The following COLEC12 variants were observed in gnomAD, a reference collection of about 807,000 sequenced individuals.
The protein encoded by COLEC12 is collectin subfamily member 12, also known as collectin-12.
Under a neutral mutation model 71.1 loss-of-function variants are expected in COLEC12, and 33 were observed. That is an observed-to-expected ratio of 0.46 (90% CI 0.35 to 0.62). The LOEUF (loss-of-function observed/expected upper bound fraction) is 0.62, where lower values mean the gene tolerates loss of function less well. Among genes scored for constraint, COLEC12 ranks in the 20% least tolerant of loss-of-function variants. The pLI, the probability that COLEC12 is intolerant of heterozygous loss-of-function variation, is 0.00. For synonymous variants in COLEC12, 350 were observed against 353.0 expected (o/e 0.99, Z 0.10); for missense variants, 765 against 916.1 (o/e 0.84, Z 2.13).
intron 2 of COLEC12, among the ~76,000 whole-genome samples, chr18:455,936 TC>T (rs1447881354): frequency 1.3e-5 from 2 of 152,180 alleles, no homozygotes; most frequent in Non-Finnish European, 2.9e-5. Context: ...TGTAAATAGT[TC>T]TTTGCTATTG....
intron 1 of COLEC12, among the ~76,000 whole-genome samples, chr18:495,296 T>C (rs991479553): frequency 1.3e-5 from 2 of 152,226 alleles, no homozygotes; most frequent in African/African-American, 4.8e-5. Context: ...CTATGAAAAA[T>C]GTCTATACTT....
intron 8 of COLEC12, among the ~76,000 whole-genome samples, chr18:324,765 G>A (rs1043931579): frequency 2.6e-5 from 4 of 152,140 alleles, no homozygotes; most frequent in African/African-American, 9.7e-5. Context: ...GGAGGTGAAG[G>A]TTGTAGTGAC....
chr18:385,316 A>ATTTTTT (rs139537913), intron 2 of COLEC12, among the ~76,000 whole-genome samples: 1 of 119,242 alleles, frequency 8.4e-6, no homozygotes, highest in Non-Finnish European at 1.7e-5. Flanking sequence ...TTAAAATGGG[A>ATTTTTT]TTTTTTTTTT....
At chr18:374,355 T>C (rs1045666517) in intron 2 of COLEC12, among the ~76,000 whole-genome samples, 3 of 152,352 alleles carry the variant, frequency 2.0e-5, no homozygotes, top group East Asian at 3.9e-4. Context: ...ACATACATTT[T>C]TTCACGTTTG....
chr18:448,128 CCTGT>C (rs1165067637), intron 2 of COLEC12, among the ~76,000 whole-genome samples: 2 of 152,214 alleles, frequency 1.3e-5, no homozygotes, highest in Non-Finnish European at 2.9e-5. Context: ...TTCTCTAAAG[CCTGT>C]CTGTATCAGT....
At chr18:468,543 C>G (rs930539801) in intron 2 of COLEC12, among the ~76,000 whole-genome samples, 1 of 152,232 alleles carries the variant, frequency 6.6e-6, no homozygotes, top group South Asian at 2.1e-4. Flanking sequence ...CACACACACA[C>G]ACAGAGTGTA....
intron 5 of COLEC12, among the ~76,000 whole-genome samples, chr18:335,824 A>G (rs1467468969): frequency 1.3e-5 from 2 of 152,194 alleles, no homozygotes; most frequent in Non-Finnish European, 2.9e-5. Flanking sequence ...AGCTTTTAGA[A>G]TGTATTGTAA....
chr18:496,472 G>A (rs1036953694), intron 1 of COLEC12, among the ~76,000 whole-genome samples: 7 of 152,208 alleles, frequency 4.6e-5, no homozygotes, highest in Admixed American at 1.3e-4. Context: ...AAGGGAAAAA[G>A]GCCTCATTTT....
rs371707287 is a variant in COLEC12 at position 340,903 on chromosome 18, A to G, written c.1327+5392T>C. ...CTTGGAAGCACCTTGTCCACAGAGG[A>G]GGGTGTATTTAACCACTGTTTCTTG... On this transcript the variant is annotated intron_variant, in intron 5 of 9. Transcript: ENST00000400256. Among the ~76,000 whole-genome samples, 6 of 152,344 alleles carry G rather than the reference A, an allele frequency of 3.9e-5. No individual in the cohort carries two copies. The East Asian group carries it at 1.2e-3, about 29-fold the overall frequency.
At position 461,684 on chromosome 18, in the gene COLEC12, G is replaced by A. The variant is rs1218125640; in HGVS notation, c.58+19023C>T. Among the ~76,000 whole-genome samples, 16 of 98,994 alleles carry A rather than the reference G, an allele frequency of 1.6e-4. No homozygotes were observed. In the South Asian group the frequency reaches 3.4e-3, roughly 21 times the overall value. 64.9% of individuals were successfully genotyped at this position (98,994 alleles called of 152,430 possible). On this transcript the variant is annotated intron_variant, in intron 2 of 9. Coordinates refer to ENST00000400256, the MANE Select transcript of COLEC12 (RefSeq NM_130386.3). ...ATTACAGATGTGAGACACTGTACCC[G>A]GCTAAGAGATTTTTTTTTTCTTTCA... is the stretch of plus-strand genomic sequence containing the variant.
chr18:366,644 C>A (rs1263355313), intron 2 of COLEC12, among the ~76,000 whole-genome samples: 1 of 152,188 alleles, frequency 6.6e-6, no homozygotes, highest in African/African-American at 2.4e-5. Context: ...CTCGGCACAT[C>A]CTGCGGCTTA....
At chr18:423,583 TAAGA>T (rs1435211516) in intron 2 of COLEC12, among the ~76,000 whole-genome samples, 4 of 152,148 alleles carry the variant, frequency 2.6e-5, no homozygotes, top group Non-Finnish European at 5.9e-5. Flanking sequence ...AGAAAAATCT[TAAGA>T]AATTACTCTT....
rs570361826 is a variant in COLEC12 at position 338,617 on chromosome 18, A to G, written c.1328-3387T>C. On this transcript the variant is annotated intron_variant, in intron 5 of 9. Transcript: ENST00000400256. ...CTCACCTAAATAGCCTATGCCATTT[A>G]GTAAAGATCGGGAAGGTAGACTTTT... Among the ~76,000 whole-genome samples the G allele has an allele frequency of 1.8e-3, 279 of 152,318 alleles. 1 individual carries two copies. The highest frequency in any genetic ancestry group is 6.4e-3 in the African/African-American group (268 of 41,570).
chr18:401,695 G>A (rs1172090253), intron 2 of COLEC12, among the ~76,000 whole-genome samples: 1 of 152,176 alleles, frequency 6.6e-6, no homozygotes, highest in African/African-American at 2.4e-5. Context: ...ATCATCCCTT[G>A]GAGATACTTT....
intron 2 of COLEC12, among the ~76,000 whole-genome samples, chr18:456,063 C>T (rs186516552): frequency 3.0e-4 from 46 of 152,268 alleles, no homozygotes; most frequent in Admixed American, 2.2e-3. Context: ...GGACAAAGCA[C>T]GTGGTGGGAG....
intron 2 of COLEC12, among the ~76,000 whole-genome samples, chr18:468,590 C>T (rs768780118): frequency 6.6e-6 from 1 of 152,106 alleles, no homozygotes; most frequent in Admixed American, 6.5e-5. Flanking sequence ...AAATGAAATG[C>T]TGAACTCATT....
chr18:333,021 T>C lies in COLEC12; in HGVS notation c.1939A>G (p.Thr647Ala), dbSNP rs377320854. The part of the protein sequence containing the change: ...DKSSHLVFIN[T>A]REEQQWIKKQ... ...GGCAGGCATACCTGTTCCTCTCTAGTGTTTATGAAAACAAGATGTGAAGAC... is the reference window on the plus strand; with the variant it reads ...GGCAGGCATACCTGTTCCTCTCTAGCGTTTATGAAAACAAGATGTGAAGAC... Residue 647 changes from threonine (T) to alanine (A), a missense_variant, in exon 7 of 10, where the codon ACT (threonine) becomes GCT (alanine). Coordinates refer to ENST00000400256, the MANE Select transcript of COLEC12 (RefSeq NM_130386.3). The C allele has an allele frequency of 8.7e-6, 14 of 1,603,020 alleles. No individual in the cohort carries two copies. The highest frequency in any genetic ancestry group is 4.0e-5 in the African/African-American group (3 of 74,202).
intron 3 of COLEC12, among the ~76,000 whole-genome samples, chr18:354,022 GAGAA>G (rs1366371270): frequency 6.6e-6 from 1 of 152,216 alleles, no homozygotes; most frequent in Non-Finnish European, 1.5e-5. Flanking sequence ...GATCCTTATT[GAGAA>G]AGATTCAGAT....
intron 1 of COLEC12, among the ~76,000 whole-genome samples, chr18:494,754 G>C (rs1917679052): frequency 6.6e-6 from 1 of 152,162 alleles, no homozygotes; most frequent in African/African-American, 2.4e-5. Context: ...GAAAATGACT[G>C]GGGCAAAAGA....
Sources: allele counts gnomAD v4.1 joint callset (sites outside exome capture counted in the v4.1 genomes callset), GRCh38; gene constraint gnomAD v4.1.1; transcripts MANE v1.5; gene names NCBI Gene and HGNC (gene_info 2026-07-23, HGNC 2026-07-21).